The following TMEM161B variants were observed in gnomAD, a reference collection of about 807,000 sequenced individuals.
The protein encoded by TMEM161B is transmembrane protein 161B.
A neutral mutation model predicts 61.8 loss-of-function variants in TMEM161B; 34 were observed. The observed-to-expected ratio is 0.55, with a 90% CI of 0.42 to 0.73. The LOEUF is 0.73. Ranked by LOEUF, TMEM161B falls within the 30% of genes least tolerant of loss-of-function variation. The pLI, the probability that TMEM161B is intolerant of heterozygous loss-of-function variation, is 0.00. For synonymous variants in TMEM161B, 167 were observed against 192.8 expected (o/e 0.87, Z 1.11); for missense variants, 456 against 558.5 (o/e 0.82, Z 1.85).
At chr5:88,203,521 C>G (rs1243345429) in intron 8 of TMEM161B, among the ~76,000 whole-genome samples, 1 of 151,582 alleles carries the variant, frequency 6.6e-6, no homozygotes, top group African/African-American at 2.4e-5. Context: ...GCAACTGAAA[C>G]AAAGTGTCTC....
intron 5 of TMEM161B, 139 bp from the exon 6 acceptor site, chr5:88,207,319 GA>G: frequency 1.3e-6 from 1 of 782,214 alleles, no homozygotes; most frequent in Non-Finnish European, 2.0e-6. Flanking sequence ...TTAAATTAAG[GA>G]AAAGAGCACC....
intron 4 of TMEM161B, among the ~76,000 whole-genome samples, chr5:88,222,849 T>TTA (rs1749252888): frequency 6.6e-6 from 1 of 152,106 alleles, no homozygotes; most frequent in South Asian, 2.1e-4. Context: ...AATAATACAA[T>TTA]TATATATATG....
At chr5:88,256,623 T>C (rs981450175) in intron 1 of TMEM161B, among the ~76,000 whole-genome samples, 3 of 152,218 alleles carry the variant, frequency 2.0e-5, no homozygotes, top group African/African-American at 7.2e-5. Context: ...CAAAATAACC[T>C]GTATCATGCT....
downstream of TMEM161B, among the ~76,000 whole-genome samples, chr5:88,187,987 C>A (rs996281968): frequency 6.6e-6 from 1 of 152,146 alleles, no homozygotes; most frequent in Non-Finnish European, 1.5e-5. Context: ...GCTCTTTAAA[C>A]AATGAACTAT....
At chr5:88,223,925 T>C (rs889420199) in intron 4 of TMEM161B, among the ~76,000 whole-genome samples, 2 of 152,094 alleles carry the variant, frequency 1.3e-5, no homozygotes, top group African/African-American at 2.4e-5. Flanking sequence ...TAAATCATAT[T>C]AGACAAGTGA....
intron 1 of TMEM161B, among the ~76,000 whole-genome samples, chr5:88,246,000 TAAA>T (rs1440286298): frequency 6.6e-6 from 1 of 151,766 alleles, no homozygotes; most frequent in Non-Finnish European, 1.5e-5. Flanking sequence ...TGATCAAACA[TAAA>T]AGCAAAGAAG....
chr5:88,220,798 G>A (rs1344555948), intron 4 of TMEM161B, 79 bp from the exon 5 acceptor site: 1 of 1,417,954 alleles, frequency 7.1e-7, no homozygotes, highest in East Asian at 2.7e-5. Context: ...TAACTTATGA[G>A]GATTTATTTA....
At chr5:88,257,141 A>G (rs1483343986) in intron 1 of TMEM161B, among the ~76,000 whole-genome samples, 1 of 151,984 alleles carries the variant, frequency 6.6e-6, no homozygotes, top group Non-Finnish European at 1.5e-5. Context: ...TGGCAGCGAC[A>G]GCCTGTAATC....
At chr5:88,231,997 A>AT (rs966917518) in intron 2 of TMEM161B, among the ~76,000 whole-genome samples, 6 of 151,356 alleles carry the variant, frequency 4.0e-5, no homozygotes, top group South Asian at 4.2e-4. Flanking sequence ...TAAGTATAGC[A>AT]TTTTTTTTTA....
chr5:88,186,258 C>T (rs746381041), downstream of TMEM161B, among the ~76,000 whole-genome samples: 7 of 152,160 alleles, frequency 4.6e-5, no homozygotes, highest in South Asian at 2.1e-4. Flanking sequence ...TAAAGTCCAA[C>T]GATGCATTGC....
rs1263316108 is a variant in TMEM161B, at chr5:88,268,797, C to T, written c.-74G>A. Reference sequence around the variant, plus strand: ...GTCCCAAACCTCTTACCTCCCGGTCCTTGAGCCGAGAGACTCTCAAACAGC... The same window carrying T: ...GTCCCAAACCTCTTACCTCCCGGTCTTTGAGCCGAGAGACTCTCAAACAGC... On this transcript the variant is annotated 5_prime_UTR_variant, in exon 1 of 12. Transcript: ENST00000296595. 1 of 1,611,192 alleles carries T rather than the reference C, an allele frequency of 6.2e-7. No homozygotes were observed. The highest frequency in any genetic ancestry group is 1.7e-5 in the Admixed American group (1 of 59,552).
intron 4 of TMEM161B, among the ~76,000 whole-genome samples, chr5:88,224,508 G>A (rs537299991): frequency 6.6e-6 from 1 of 152,112 alleles, no homozygotes; most frequent in East Asian, 1.9e-4. Context: ...ATATATAGGA[G>A]GAAAACTAAA....
intron 2 of TMEM161B, among the ~76,000 whole-genome samples, chr5:88,240,208 C>T (rs958283152): frequency 5.3e-5 from 8 of 151,856 alleles, no homozygotes; most frequent in Non-Finnish European, 7.4e-5. Flanking sequence ...CTTTATCCCC[C>T]TCCTTGCTAA....
intron 5 of TMEM161B, among the ~76,000 whole-genome samples, chr5:88,213,511 T>C (rs1035189311): frequency 1.3e-5 from 2 of 152,020 alleles, no homozygotes; most frequent in African/African-American, 2.4e-5. Context: ...GTGAAGAGAA[T>C]AGCCAAAAAT....
At chr5:88,245,242 A>G (rs1280545791) in intron 1 of TMEM161B, among the ~76,000 whole-genome samples, 2 of 151,926 alleles carry the variant, frequency 1.3e-5, no homozygotes, top group East Asian at 3.9e-4. Flanking sequence ...CTGACCTAAC[A>G]TCAAAGGTTG....
At chr5:88,213,124 T>A (rs2112470558) in intron 5 of TMEM161B, among the ~76,000 whole-genome samples, 1 of 152,266 alleles carries the variant, frequency 6.6e-6, no homozygotes, top group South Asian at 2.1e-4. Flanking sequence ...TGTTTTTCCA[T>A]AAGAAAAGGC....
intron 9 of TMEM161B, 175 bp from the exon 10 acceptor site, chr5:88,199,325 A>G: frequency 6.0e-6 from 3 of 502,012 alleles, no homozygotes; most frequent in Non-Finnish European, 1.0e-5. Flanking sequence ...AACTTGAATA[A>G]CAGAACTAGA....
At chr5:88,261,405 A>C (rs1438518482) in intron 1 of TMEM161B, among the ~76,000 whole-genome samples, 1 of 151,948 alleles carries the variant, frequency 6.6e-6, no homozygotes, top group Admixed American at 6.6e-5. Flanking sequence ...TATCAAAAAA[A>C]AAGAAAAGAA....
chr5:88,191,354 CTTAAT>C (rs1748830140), downstream of TMEM161B, among the ~76,000 whole-genome samples: 1 of 152,210 alleles, frequency 6.6e-6, no homozygotes. Context: ...GACTCTTCAT[CTTAAT>C]TTATTGTCTG....
Sources: allele counts gnomAD v4.1 joint callset (sites outside exome capture counted in the v4.1 genomes callset), GRCh38; gene constraint gnomAD v4.1.1; transcripts MANE v1.5; gene names NCBI Gene and HGNC (gene_info 2026-07-23, HGNC 2026-07-21).